Variants in PCDH17 observed in about 807,000 individuals in gnomAD.
PCDH17 encodes the protein protocadherin-17.
PCDH17 carries 21 observed loss-of-function variants against 67.7 expected under a neutral mutation model. That is an observed-to-expected ratio of 0.31 (90% CI 0.22 to 0.45). The LOEUF (loss-of-function observed/expected upper bound fraction) is 0.45. PCDH17 is among the 20% of genes least tolerant of loss of function. PCDH17 has a pLI of 1.00. For missense variants in PCDH17, 1,471 were observed against 1,564.8 expected (o/e 0.94, Z 1.01); for synonymous variants, 701 against 656.7 (o/e 1.07, Z -1.03).
At chr13:57,637,934 AT>A in intron 1 of PCDH17, among the ~76,000 whole-genome samples, 1 of 152,168 alleles carries the variant, frequency 6.6e-6, no homozygotes, top group East Asian at 1.9e-4. Flanking sequence ...GATGCTAAGC[AT>A]TCATATAAGC....
chr13:57,658,129 T>A (rs996565897), intron 1 of PCDH17, among the ~76,000 whole-genome samples: 4 of 152,084 alleles, frequency 2.6e-5, no homozygotes, highest in Non-Finnish European at 4.4e-5. Context: ...ATACAGATAA[T>A]GCAAAAAATA....
At chr13:57,672,057 T>C (rs761003449) in intron 3 of PCDH17, among the ~76,000 whole-genome samples, 16 of 152,064 alleles carry the variant, frequency 1.1e-4, no homozygotes, top group Admixed American at 3.3e-4. Context: ...TTAAATTACA[T>C]TGAGTTTTAA....
intron 3 of PCDH17, among the ~76,000 whole-genome samples, chr13:57,713,971 T>G (rs554467808): frequency 1.3e-5 from 2 of 151,790 alleles, no homozygotes; most frequent in East Asian, 3.9e-4. Context: ...CATGCCCACC[T>G]AATTTAAGTT....
intron 3 of PCDH17, among the ~76,000 whole-genome samples, chr13:57,677,619 A>G (rs1955406739): frequency 1.3e-5 from 2 of 151,878 alleles, no homozygotes. Context: ...AGGAAGCTAC[A>G]TAGTCACAGT....
intron 3 of PCDH17, among the ~76,000 whole-genome samples, chr13:57,696,587 C>T (rs150352903): frequency 6.6e-6 from 1 of 151,274 alleles, no homozygotes; most frequent in African/African-American, 2.4e-5. Context: ...TTCTTCGCAG[C>T]CTGTCTTATA....
chr13:57,683,764 T>C (rs1470026367), intron 3 of PCDH17, among the ~76,000 whole-genome samples: 1 of 151,910 alleles, frequency 6.6e-6, no homozygotes, highest in Non-Finnish European at 1.5e-5. Flanking sequence ...AATTAAATCA[T>C]TCAATTTGAA....
chr13:57,694,410 A>G (rs959869193), intron 3 of PCDH17, among the ~76,000 whole-genome samples: 7 of 151,234 alleles, frequency 4.6e-5, no homozygotes, highest in Non-Finnish European at 8.9e-5. Flanking sequence ...ATGAGAATGA[A>G]GGACTTTCTT....
At chr13:57,659,117 G>GTGTA (rs1955150007) in intron 1 of PCDH17, among the ~76,000 whole-genome samples, 1 of 141,864 alleles carries the variant, frequency 7.0e-6, no homozygotes, top group Admixed American at 6.7e-5. Context: ...GTGTGTGTGT[G>GTGTA]TGTGTGTGTG....
In PCDH17 at chr13:57,635,005, C is replaced by G. The variant is rs750799695; in HGVS notation, c.2459C>G (p.Ser820Cys). The G allele has an allele frequency of 7.4e-6, 12 of 1,613,630 alleles. No individual in the cohort carries two copies. In the African/African-American group the frequency reaches 1.6e-4, roughly 22 times the overall value. Residue 820 changes from serine (S) to cysteine (C), a missense_variant, in exon 1 of 4, where the codon TCC (serine) becomes TGC (cysteine). Ser to Cys is a moderately radical substitution (Grantham distance 112). Coordinates refer to ENST00000377918, the MANE Select transcript of PCDH17 (RefSeq NM_001040429.3). ...GAGGTGATGTATCTCAAACCGGCCT[C>G]CAACAACCTGACTGTCCCTCAGGGG... Reference protein sequence around the residue: ...RSEVMYLKPASNNLTVPQGHA... With the variant: ...RSEVMYLKPACNNLTVPQGHA...
intron 3 of PCDH17, among the ~76,000 whole-genome samples, chr13:57,693,315 C>CATATATATATGTATATATATATAT: frequency 1.1e-5 from 1 of 89,360 alleles, no homozygotes; most frequent in East Asian, 3.0e-4. Context: ...CACTTACATT[C>CATATATATATGTATATATATATAT]ATATATATAT....
At chr13:57,669,351 ATC>A (rs954550690) in intron 3 of PCDH17, among the ~76,000 whole-genome samples, 10 of 150,668 alleles carry the variant, frequency 6.6e-5, no homozygotes, top group Non-Finnish European at 1.3e-4. Context: ...CAGATGGGTG[ATC>A]TCTCTCTCTC....
At chr13:57,656,009 T>C (rs1377225130) in intron 1 of PCDH17, among the ~76,000 whole-genome samples, 1 of 152,112 alleles carries the variant, frequency 6.6e-6, no homozygotes, top group African/African-American at 2.4e-5. Flanking sequence ...GCAAGTGTCA[T>C]TGTTCTATAA....
At chr13:57,694,797 A>G (rs985403852) in intron 3 of PCDH17, among the ~76,000 whole-genome samples, 4 of 150,978 alleles carry the variant, frequency 2.6e-5, no homozygotes, top group Admixed American at 6.6e-5. Flanking sequence ...TTAATAGTCT[A>G]TTTTTTCTCC....
intron 3 of PCDH17, among the ~76,000 whole-genome samples, chr13:57,682,435 TA>T (rs1327437567): frequency 6.6e-6 from 1 of 151,796 alleles, no homozygotes; most frequent in Non-Finnish European, 1.5e-5. Context: ...GCTTGCGATG[TA>T]AATCAGGTCA....
chr13:57,678,038 C>A (rs1486450548), intron 3 of PCDH17, among the ~76,000 whole-genome samples: 1 of 151,626 alleles, frequency 6.6e-6, no homozygotes, highest in East Asian at 2.0e-4. Context: ...TTGAAGAATG[C>A]AGAGACTGTG....
At chr13:57,688,579 A>G (rs188797581) in intron 3 of PCDH17, among the ~76,000 whole-genome samples, 46 of 152,202 alleles carry the variant, frequency 3.0e-4, no homozygotes, top group Admixed American at 9.8e-4. Flanking sequence ...GTTTACAAAC[A>G]TTAAAATGTC....
At chr13:57,708,064 T>A (rs1955737664) in intron 3 of PCDH17, among the ~76,000 whole-genome samples, 1 of 152,064 alleles carries the variant, frequency 6.6e-6, no homozygotes, top group Admixed American at 6.6e-5. Context: ...TTGGATGAGA[T>A]CAATTTTTCT....
intron 3 of PCDH17, among the ~76,000 whole-genome samples, chr13:57,688,436 T>C (rs1029324492): frequency 3.9e-5 from 6 of 152,200 alleles, no homozygotes; most frequent in African/African-American, 1.4e-4. Context: ...AATTGACACA[T>C]AGTAATGCAA....
At chr13:57,703,247 G>A (rs2138078360) in intron 3 of PCDH17, among the ~76,000 whole-genome samples, 1 of 152,232 alleles carries the variant, frequency 6.6e-6, no homozygotes, top group South Asian at 2.1e-4. Flanking sequence ...GGCCTAACAA[G>A]CACCAGATAT....
Sources: gnomAD v4.1 joint callset for allele counts (sites outside exome capture counted in the v4.1 genomes callset) on GRCh38, gnomAD v4.1.1 for gene constraint, MANE v1.5 for transcripts, NCBI Gene and HGNC (gene_info 2026-07-23, HGNC 2026-07-21) for gene names.